The following FBXO47 variants were observed in gnomAD, a reference collection of about 807,000 sequenced individuals.
The protein encoded by FBXO47 is F-box protein 47.
FBXO47 carries 34 observed loss-of-function variants against 53.9 expected under a neutral mutation model. The observed-to-expected ratio is 0.63, with a 90% CI of 0.48 to 0.84. FBXO47 has a LOEUF of 0.84. Ranked by LOEUF, FBXO47 falls within the 40% of genes least tolerant of loss-of-function variation. FBXO47 has a pLI of 0.00. For missense variants in FBXO47, 485 were observed against 541.3 expected (o/e 0.90, Z 1.03); for synonymous variants, 165 against 181.6 (o/e 0.91, Z 0.73).
chr17:38,957,165 G>GTATGA lies in FBXO47; in HGVS notation c.429+7_429+11dup, dbSNP rs750214400. 6.5e-7 allele frequency: 1 copy of GTATGA among 1,538,670 alleles called. No individual in the cohort carries two copies. Among genetic ancestry groups the GTATGA allele is most frequent in the Non-Finnish European group, 9.0e-7 (1 of 1,113,400 alleles). ...ATCAAGATTGTAAACTAATTTAGAA[G>GTATGA]TATGATCTTACTTCTGTGAGTATCT... is the stretch of plus-strand genomic sequence containing the variant. On this transcript the variant is annotated intron_variant, in intron 4 of 10. Coordinates refer to ENST00000378079, the MANE Select transcript of FBXO47 (RefSeq NM_001008777.3).
chr17:38,941,642 A>ATATATATATATATG (rs924192946), intron 9 of FBXO47, among the ~76,000 whole-genome samples: 59 of 144,212 alleles, frequency 4.1e-4, no homozygotes, highest in African/African-American at 1.5e-3. Flanking sequence ...ATATATATAT[A>ATATATATATATATG]TATGTATGTG....
rs1183682220 is a variant in FBXO47, at chr17:38,937,198, T to C, written c.1336A>G (p.Met446Val). The change falls in exon 11 of 11, where the codon ATG becomes GTG. Residue 446 changes from methionine (M) to valine (V), a missense_variant. Met to Val is a conservative substitution (Grantham distance 21, BLOSUM62 1). Coordinates refer to ENST00000378079, the MANE Select transcript of FBXO47 (RefSeq NM_001008777.3). ...ATTTAGGTAGACAGAGGAGTATTCA[T>C]GGTCAAATACAGGACCTCCTTATGG... ...NFHKEVLYLT[M>V]NTPLST The C allele has an allele frequency of 1.9e-6, 3 of 1,578,796 alleles. No individual in the cohort carries two copies. The highest frequency in any genetic ancestry group is 2.2e-5 in the East Asian group (1 of 44,552).
At chr17:38,953,168 A>ACACACACAC (rs1567719883) in intron 5 of FBXO47, among the ~76,000 whole-genome samples, 1 of 112,884 alleles carries the variant, frequency 8.9e-6, no homozygotes, top group African/African-American at 4.2e-5. Flanking sequence ...CACACACACA[A>ACACACACAC]AATAGCTAGG....
intron 3 of FBXO47, among the ~76,000 whole-genome samples, chr17:38,959,545 A>C: frequency 7.2e-6 from 1 of 138,416 alleles, no homozygotes; most frequent in African/African-American, 2.8e-5. Context: ...GTGCCATTGC[A>C]CTCCAGTCTG....
intron 6 of FBXO47, among the ~76,000 whole-genome samples, chr17:38,946,392 C>CTATATATAAA (rs1474737144): frequency 1.5e-4 from 6 of 39,612 alleles, no homozygotes; most frequent in African/African-American, 5.9e-4. Flanking sequence ...ATATATATAT[C>CTATATATAAA]TATATATAAA....
intron 6 of FBXO47, 64 bp downstream of exon 6, chr17:38,951,517 T>A (rs1905281392): frequency 3.9e-6 from 5 of 1,280,146 alleles, no homozygotes; most frequent in Admixed American, 4.5e-5. Flanking sequence ...ATTACATTTT[T>A]AAAACTCTGT....
chr17:38,957,271 C>T lies in FBXO47; in HGVS notation c.353-18G>A. 1 of 1,568,226 alleles carries T rather than the reference C, an allele frequency of 6.4e-7. No homozygotes were observed. Among genetic ancestry groups the T allele is most frequent in the East Asian group, 2.2e-5 (1 of 44,518 alleles). ...CAGTAGACCTAAGAAAGTAAAGAGA[C>T]ATAAGAAAAAATGACAACAATACAA... On this transcript the variant is annotated intron_variant, in intron 3 of 10. Coordinates refer to ENST00000378079, the MANE Select transcript of FBXO47 (RefSeq NM_001008777.3).
At chr17:38,967,129 C>G (rs1906169681) in intron 1 of FBXO47, 100 bp downstream of exon 1, 1 of 152,132 alleles carries the variant, frequency 6.6e-6, no homozygotes, top group Non-Finnish European at 1.5e-5. Context: ...AACTGGTCAA[C>G]AGGAGAATCA....
intron 4 of FBXO47, 32 bp from the exon 5 acceptor site, chr17:38,954,965 T>C (rs767548996): frequency 7.0e-7 from 1 of 1,432,594 alleles, no homozygotes; most frequent in South Asian, 1.2e-5. Context: ...TACCTCCTTG[T>C]CAGTGAAACT....
chr17:38,951,511 CATTTTTAAAACTCTGTTT>C, intron 6 of FBXO47, 52 bp downstream of exon 6: 1 of 1,234,272 alleles, frequency 8.1e-7, no homozygotes, highest in Non-Finnish European at 1.1e-6. Flanking sequence ...CTTTTAATTA[CATTTTTAAAACTCTGTTT>C]ATTTTTTCTA....
Position 38,942,928 on chromosome 17 carries a change from T to C in FBXO47, c.941-8A>G. 1.3e-6 allele frequency: 2 copies of C among 1,599,118 alleles called. No individual in the cohort carries two copies. The highest frequency in any genetic ancestry group is 1.7e-6 in the Non-Finnish European group (2 of 1,173,450). ...GCCACTCACGGGGAACCACTTTTAT[T>C]AGAGGAAGAACAATTATTTAATGAG... On this transcript the variant is annotated splice_region_variant and splice_polypyrimidine_tract_variant and intron_variant, in intron 8 of 10. Coordinates refer to ENST00000378079, the MANE Select transcript of FBXO47 (RefSeq NM_001008777.3).
chr17:38,952,188 C>T (rs1223327078), intron 5 of FBXO47, among the ~76,000 whole-genome samples: 2 of 151,730 alleles, frequency 1.3e-5, no homozygotes, highest in Non-Finnish European at 2.9e-5. Context: ...TAGCTGGGCT[C>T]GGTGGCACGC....
Position 38,941,672 on chromosome 17 carries a change from G to A in FBXO47, c.1083+1106C>T, listed in dbSNP as rs570866691. 2.6e-4 allele frequency among the ~76,000 whole-genome samples: 38 copies of A among 144,950 alleles called. 1 individual carries two copies. Among genetic ancestry groups the A allele is most frequent in the Middle Eastern group, 3.5e-3 (1 of 286 alleles). ...TATGTGTATATGTATGTGTGTGTGC[G>A]TGTGTGTGTGTATTGAGAGGGGAGA... On this transcript the variant is annotated intron_variant, in intron 9 of 10. Transcript: ENST00000378079.
chr17:38,937,221 T>C lies in FBXO47; in HGVS notation c.1313A>G (p.His438Arg). Residue 438 changes from histidine (H) to arginine (R), a missense_variant, in exon 11 of 11, where the codon CAT becomes CGT. Transcript: ENST00000378079. ...FHLVHAQANFHKEVLYLTMNT... is the reference protein window; with the variant it reads ...FHLVHAQANFRKEVLYLTMNT... Reference sequence around the variant, plus strand: ...CATGGTCAAATACAGGACCTCCTTATGGAAGTTAGCCTGAGCATGTACAAG... The same window carrying C: ...CATGGTCAAATACAGGACCTCCTTACGGAAGTTAGCCTGAGCATGTACAAG... 1 of 1,609,578 alleles carries C rather than the reference T, an allele frequency of 6.2e-7. No individual in the cohort carries two copies. Among genetic ancestry groups the C allele is most frequent in the Non-Finnish European group, 8.5e-7 (1 of 1,176,700 alleles).
intron 5 of FBXO47, 26 bp from the exon 6 acceptor site, chr17:38,951,715 G>A: frequency 6.6e-7 from 1 of 1,518,694 alleles, no homozygotes; most frequent in Non-Finnish European, 9.1e-7. Flanking sequence ...AAAACATTGT[G>A]GATATTCAGA....
intron 9 of FBXO47, among the ~76,000 whole-genome samples, chr17:38,941,660 A>ATG (rs1278291007): frequency 3.6e-4 from 52 of 143,256 alleles, no homozygotes; most frequent in Admixed American, 7.2e-5. Flanking sequence ...GTGTATATGT[A>ATG]TGTGTGTGTG....
At chr17:38,966,018 CAA>C (rs1906100766) in intron 1 of FBXO47, among the ~76,000 whole-genome samples, 1 of 151,906 alleles carries the variant, frequency 6.6e-6, no homozygotes, top group Admixed American at 6.6e-5. Context: ...TTCTTTTTAA[CAA>C]AAAAGAGGGA....
At chr17:38,965,881 T>C (rs1434201636) in intron 1 of FBXO47, among the ~76,000 whole-genome samples, 1 of 130,606 alleles carries the variant, frequency 7.7e-6, no homozygotes, top group Non-Finnish European at 1.6e-5. Flanking sequence ...AGAATCTGCC[T>C]CAAAAAAAAA....
At chr17:38,949,073 G>A (rs1346320234) in intron 6 of FBXO47, among the ~76,000 whole-genome samples, 1 of 152,070 alleles carries the variant, frequency 6.6e-6, no homozygotes, top group Non-Finnish European at 1.5e-5. Flanking sequence ...CCCATTGATG[G>A]ACATCTGAGT....
Sources: gnomAD v4.1 joint callset for allele counts (sites outside exome capture counted in the v4.1 genomes callset) on GRCh38, gnomAD v4.1.1 for gene constraint, MANE v1.5 for transcripts, NCBI Gene and HGNC (gene_info 2026-07-23, HGNC 2026-07-21) for gene names.